Variants in NDST3 observed in about 807,000 individuals in gnomAD.
NDST3 encodes bifunctional heparan sulfate N-deacetylase/N-sulfotransferase 3.
A neutral mutation model predicts 96.1 loss-of-function variants in NDST3; 58 were observed. The observed-to-expected ratio is 0.60, with a 90% confidence interval of 0.49 to 0.75. The LOEUF (loss-of-function observed/expected upper bound fraction) is 0.75, where lower values mean the gene tolerates loss of function less well. Ranked by LOEUF, NDST3 falls within the 30% of genes least tolerant of loss-of-function variation. NDST3 has a pLI of 0.00. For synonymous variants in NDST3, 333 were observed against 359.7 expected, an observed-to-expected ratio of 0.93 and a Z score of 0.84; for missense variants, 788 against 1,034.2, an observed-to-expected ratio of 0.76 and a Z score of 3.27.
intron 6 of NDST3, among the ~76,000 whole-genome samples, chr4:118,151,333 C>T (rs1578732941): frequency 6.6e-6 from 1 of 152,046 alleles, no homozygotes; most frequent in Non-Finnish European, 1.5e-5. Context: ...TACATGTATA[C>T]ATATGTAACT....
chr4:118,065,734 C>T (rs866298901), intron 2 of NDST3, among the ~76,000 whole-genome samples: 1 of 151,612 alleles, frequency 6.6e-6, no homozygotes, highest in Admixed American at 6.6e-5. Context: ...GGCCTTTCCC[C>T]CTTTGGAATT....
chr4:118,105,004 A>G lies in NDST3; in HGVS notation c.982-14A>G. 1 of 1,606,924 alleles carries G rather than the reference A, an allele frequency of 6.2e-7. No individual in the cohort carries two copies. Among genetic ancestry groups the G allele is most frequent in the South Asian group, 1.1e-5 (1 of 90,090 alleles). ...ATTCTTTACCTGATACATTTTTTAA[A>G]TTATGTATTTCAGGCCCTGCTTGAT... On this transcript the variant is annotated splice_polypyrimidine_tract_variant and intron_variant, in intron 2 of 13. Transcript: ENST00000296499.
intron 4 of NDST3, among the ~76,000 whole-genome samples, chr4:118,134,862 T>C (rs1161232261): frequency 1.3e-5 from 2 of 152,226 alleles, no homozygotes; most frequent in Non-Finnish European, 1.5e-5. Context: ...TTCCTAGATC[T>C]AAGATGCTAC....
intron 6 of NDST3, among the ~76,000 whole-genome samples, chr4:118,155,722 C>T (rs991154811): frequency 6.6e-6 from 1 of 152,046 alleles, no homozygotes; most frequent in Non-Finnish European, 1.5e-5. Flanking sequence ...ATTTGGTTTA[C>T]AGTTTCAGTT....
intron 6 of NDST3, among the ~76,000 whole-genome samples, chr4:118,174,416 A>G (rs575814148): frequency 2.0e-5 from 3 of 152,276 alleles, no homozygotes; most frequent in Non-Finnish European, 4.4e-5. Flanking sequence ...TACAAGAGAA[A>G]TCAGATCTGA....
At chr4:118,140,193 A>G (rs1467264164) in intron 5 of NDST3, among the ~76,000 whole-genome samples, 1 of 152,118 alleles carries the variant, frequency 6.6e-6, no homozygotes, top group Non-Finnish European at 1.5e-5. Context: ...CCACCTTGAG[A>G]GACTTTCTGG....
At chr4:118,102,798 T>A (rs1290185170) in intron 2 of NDST3, among the ~76,000 whole-genome samples, 1 of 152,080 alleles carries the variant, frequency 6.6e-6, no homozygotes, top group African/African-American at 2.4e-5. Context: ...ATGACAAATA[T>A]CACTGTTTAT....
chr4:118,061,911 A>C (rs1232714116), intron 2 of NDST3, among the ~76,000 whole-genome samples: 2 of 152,182 alleles, frequency 1.3e-5, no homozygotes, highest in Non-Finnish European at 2.9e-5. Flanking sequence ...CACATGGTGG[A>C]AGAAGATTTA....
intron 2 of NDST3, among the ~76,000 whole-genome samples, chr4:118,103,582 A>G (rs1729935027): frequency 6.6e-6 from 1 of 152,178 alleles, no homozygotes; most frequent in Non-Finnish European, 1.5e-5. Flanking sequence ...AGGGTCCAGC[A>G]TCTGACCTAG....
At chr4:118,126,500 G>A (rs1408419732) in intron 4 of NDST3, among the ~76,000 whole-genome samples, 2 of 137,816 alleles carry the variant, frequency 1.5e-5, no homozygotes, top group Admixed American at 7.8e-5. Context: ...CTATTATACT[G>A]TGTGTATGTA....
intron 2 of NDST3, among the ~76,000 whole-genome samples, chr4:118,066,138 ATATTTTATATATTATATATATTATATATT>A (rs1726331121): frequency 3.3e-5 from 1 of 30,750 alleles, no homozygotes; most frequent in Non-Finnish European, 9.0e-5. Flanking sequence ...ATTATATAAT[ATATTTTATATATTATATATATTATATATT>A]ATATTTTATA....
chr4:118,156,620 CA>C (rs1362281813), intron 6 of NDST3, among the ~76,000 whole-genome samples: 1 of 151,082 alleles, frequency 6.6e-6, no homozygotes, highest in Non-Finnish European at 1.5e-5. Context: ...CACTTGATTA[CA>C]GAGGGTTTGA....
intron 2 of NDST3, among the ~76,000 whole-genome samples, chr4:118,072,026 A>G (rs1311483201): frequency 6.6e-6 from 1 of 151,972 alleles, no homozygotes; most frequent in East Asian, 1.9e-4. Flanking sequence ...TTATATGAAG[A>G]TCAGATGGTT....
intron 2 of NDST3, among the ~76,000 whole-genome samples, chr4:118,073,269 AT>A (rs1727232439): frequency 6.6e-6 from 1 of 151,844 alleles, no homozygotes; most frequent in Admixed American, 6.6e-5. Flanking sequence ...TCCCTCCTCA[AT>A]TTTTTGGAAT....
At position 118,140,068 on chromosome 4, in the gene NDST3, T is replaced by G. The variant is rs187153762; in HGVS notation, c.1410+1829T>G. Among the ~76,000 whole-genome samples, 58 of 152,272 alleles carry G rather than the reference T, an allele frequency of 3.8e-4. No homozygotes were observed. The East Asian group carries it at 9.3e-3, about 24-fold the overall frequency. On this transcript the variant is annotated intron_variant, in intron 5 of 13. Coordinates refer to ENST00000296499, the MANE Select transcript of NDST3 (RefSeq NM_004784.3). ...TCCCCTAATGTGCCCTTCAGGTACC[T>G]GAAAACCATCTGGACTGTCTACCTT...
intron 12 of NDST3, among the ~76,000 whole-genome samples, chr4:118,253,252 A>C (rs1425357943): frequency 6.6e-6 from 1 of 152,210 alleles, no homozygotes; most frequent in Non-Finnish European, 1.5e-5. Flanking sequence ...ATGTGCTGAC[A>C]ATTTTTCTGT....
chr4:118,123,764 G>C (rs11098427), intron 4 of NDST3, among the ~76,000 whole-genome samples: 119,725 of 152,010 alleles, frequency 0.79, 49,812 homozygotes, highest in South Asian at 0.92. Flanking sequence ...AACTCTAAGA[G>C]AGGAAAACAA....
At chr4:118,107,609 T>C (rs1730304960) in intron 3 of NDST3, among the ~76,000 whole-genome samples, 2 of 152,122 alleles carry the variant, frequency 1.3e-5, no homozygotes. Flanking sequence ...GATTAGAATA[T>C]GTTCCCATTT....
intron 6 of NDST3, among the ~76,000 whole-genome samples, chr4:118,159,020 G>A (rs1286010510): frequency 6.6e-6 from 1 of 152,158 alleles, no homozygotes; most frequent in South Asian, 2.1e-4. Flanking sequence ...CCCTTTCACT[G>A]ACTCAGCAGA....
Sources: allele counts gnomAD v4.1 joint callset (sites outside exome capture counted in the v4.1 genomes callset), GRCh38; gene constraint gnomAD v4.1.1; transcripts MANE v1.5; gene names NCBI Gene and HGNC (gene_info 2026-07-23, HGNC 2026-07-21).